Variants in GPC6 observed in about 807,000 individuals in gnomAD.
GPC6 encodes glypican-6.
GPC6 carries 14 observed loss-of-function variants against 55.2 expected under a neutral mutation model. The observed-to-expected ratio is 0.25, with a 90% CI of 0.17 to 0.40. The LOEUF (loss-of-function observed/expected upper bound fraction) is 0.40, where lower values mean the gene tolerates loss of function less well. GPC6 is among the 10% of genes least tolerant of loss of function. The pLI is 1.00. For missense variants in GPC6, 641 were observed against 708.5 expected (o/e 0.90, Z 1.08); for synonymous variants, 278 against 259.6 (o/e 1.07, Z -0.68).
chr13:93,616,737 T>G (rs1467555539), intron 2 of GPC6, among the ~76,000 whole-genome samples: 1 of 152,062 alleles, frequency 6.6e-6, no homozygotes, highest in African/African-American at 2.4e-5. Flanking sequence ...ACCCATAGAT[T>G]AAAGAAACAC....
At chr13:94,232,925 G>A (rs1890774532) in intron 4 of GPC6, among the ~76,000 whole-genome samples, 1 of 148,866 alleles carries the variant, frequency 6.7e-6, no homozygotes, top group South Asian at 2.1e-4. Context: ...ATGTAATTAT[G>A]GTTAATGTAA....
At chr13:93,346,404 G>C (rs1223632259) in intron 1 of GPC6, among the ~76,000 whole-genome samples, 1 of 152,128 alleles carries the variant, frequency 6.6e-6, no homozygotes, top group South Asian at 2.1e-4. Context: ...AGAACACTTC[G>C]GGTGCTCCCA....
chr13:94,127,720 AG>A (rs1196684618), intron 4 of GPC6, among the ~76,000 whole-genome samples: 3 of 152,188 alleles, frequency 2.0e-5, no homozygotes, highest in Non-Finnish European at 2.9e-5. Context: ...TGTAAAAGCA[AG>A]AAGAGTGCCA....
intron 1 of GPC6, among the ~76,000 whole-genome samples, chr13:93,371,578 G>A (rs151319949): frequency 1.1e-3 from 174 of 152,234 alleles, no homozygotes; most frequent in African/African-American, 3.4e-3. Context: ...ACTAGGAACT[G>A]AGGTACACAT....
At chr13:94,214,920 C>A (rs1396172100) in intron 4 of GPC6, among the ~76,000 whole-genome samples, 1 of 152,224 alleles carries the variant, frequency 6.6e-6, no homozygotes, top group Admixed American at 6.5e-5. Context: ...TAAGGTGTGA[C>A]ATTTCACTTA....
At chr13:94,372,143 C>T (rs996538555) in intron 6 of GPC6, among the ~76,000 whole-genome samples, 1 of 151,840 alleles carries the variant, frequency 6.6e-6, no homozygotes, top group Non-Finnish European at 1.5e-5. Flanking sequence ...TTTCTTCTTT[C>T]ACTTGCCCTC....
chr13:93,987,790 T>G (rs1418015614), intron 3 of GPC6, among the ~76,000 whole-genome samples: 2 of 152,244 alleles, frequency 1.3e-5, no homozygotes. Context: ...CATTTATTCT[T>G]TGCTTTATTA....
chr13:94,375,265 G>T (rs540994401), intron 6 of GPC6, among the ~76,000 whole-genome samples: 1 of 152,032 alleles, frequency 6.6e-6, no homozygotes, highest in African/African-American at 2.4e-5. Flanking sequence ...CCAGGAGCTG[G>T]TTTTTTGAAA....
At chr13:93,341,817 G>T (rs768726597) in intron 1 of GPC6, among the ~76,000 whole-genome samples, 1 of 151,324 alleles carries the variant, frequency 6.6e-6, no homozygotes, top group Non-Finnish European at 1.5e-5. Context: ...TTGCCTAAGC[G>T]AATGTCCAGA....
chr13:93,485,839 G>A (rs977574083), intron 1 of GPC6, among the ~76,000 whole-genome samples: 5 of 152,126 alleles, frequency 3.3e-5, no homozygotes, highest in Non-Finnish European at 5.9e-5. Flanking sequence ...TCCAGGTAAT[G>A]ATGGGGTATA....
At chr13:93,572,318 T>TA (rs977167518) in intron 2 of GPC6, among the ~76,000 whole-genome samples, 1 of 152,176 alleles carries the variant, frequency 6.6e-6, no homozygotes, top group African/African-American at 2.4e-5. Flanking sequence ...ATCATATATG[T>TA]ACCCTTTCAC....
chr13:94,105,180 C>G (rs1037379799), intron 4 of GPC6, among the ~76,000 whole-genome samples: 31 of 152,146 alleles, frequency 2.0e-4, no homozygotes, highest in African/African-American at 7.0e-4. Context: ...CATAGCAAGA[C>G]CCCGTATCTA....
At chr13:93,501,678 C>T (rs1392298824) in intron 1 of GPC6, among the ~76,000 whole-genome samples, 2 of 152,128 alleles carry the variant, frequency 1.3e-5, no homozygotes, top group African/African-American at 4.8e-5. Context: ...TGCATCTTCA[C>T]ATTTCATGTG....
intron 6 of GPC6, chr13:94,306,378 T>C: frequency 3.8e-6 from 2 of 520,890 alleles, no homozygotes; most frequent in Non-Finnish European, 6.9e-6. Context: ...CAACTTCTTA[T>C]TTCTCATGAA....
chr13:93,306,702 A>G (rs4283093), intron 1 of GPC6, among the ~76,000 whole-genome samples: 132,336 of 152,074 alleles, frequency 0.87, 58,038 homozygotes, highest in East Asian at 1. Context: ...GGATTTAAAG[A>G]AAGCTAAATT....
chr13:94,061,806 A>C (rs1034073667), intron 4 of GPC6, among the ~76,000 whole-genome samples: 3 of 151,842 alleles, frequency 2.0e-5, no homozygotes, highest in African/African-American at 4.8e-5. Flanking sequence ...AAAAAAAAAA[A>C]CAAAAATGTA....
intron 3 of GPC6, among the ~76,000 whole-genome samples, chr13:93,998,062 C>T (rs537109332): frequency 1.6e-4 from 24 of 152,206 alleles, no homozygotes; most frequent in Admixed American, 2.0e-4. Context: ...GAAGAGAAAT[C>T]GAAAGCACTT....
At chr13:93,671,636 T>G (rs1881363004) in intron 2 of GPC6, among the ~76,000 whole-genome samples, 1 of 152,042 alleles carries the variant, frequency 6.6e-6, no homozygotes, top group Non-Finnish European at 1.5e-5. Flanking sequence ...TCTCTGGTTT[T>G]TTTAGGGTTA....
chr13:93,586,407 C>G (rs538381545), intron 2 of GPC6, among the ~76,000 whole-genome samples: 3 of 152,162 alleles, frequency 2.0e-5, no homozygotes, highest in East Asian at 3.9e-4. Flanking sequence ...TTGTGTAGTG[C>G]TGCAATGAAC....
Sources: allele counts gnomAD v4.1 joint callset (sites outside exome capture counted in the v4.1 genomes callset), GRCh38; gene constraint gnomAD v4.1.1; transcripts MANE v1.5; gene names NCBI Gene and HGNC (gene_info 2026-07-23, HGNC 2026-07-21).